Variants in JPT2 observed in about 807,000 individuals in gnomAD.
JPT2 encodes CRAMP_1 like.
A neutral mutation model predicts 15.9 loss-of-function variants in JPT2; 9 were observed. That is an observed-to-expected ratio of 0.57 (90% CI 0.34 to 0.99). The LOEUF is 0.99. Among genes scored for constraint, JPT2 ranks in the 50% least tolerant of loss-of-function variants. JPT2 has a pLI of 0.02. For missense variants in JPT2, 267 were observed against 252.1 expected, an observed-to-expected ratio of 1.06 and a Z score of -0.40; for synonymous variants, 95 against 91.7, an observed-to-expected ratio of 1.04 and a Z score of -0.21.
chr16:1,689,313 CCCCGTGGT>C (rs1353214939), intron 2 of JPT2: 1 of 152,080 alleles, frequency 6.6e-6, no homozygotes, highest in East Asian at 1.9e-4. Flanking sequence ...GTTTTATCCG[CCCCGTGGT>C]CCTGACGTGC....
At position 1,698,001 on chromosome 16, in the gene JPT2, C is replaced by T; in HGVS notation, c.385+141C>T. On this transcript the variant is annotated intron_variant, in intron 4 of 4. Coordinates refer to ENST00000248098, the MANE Select transcript of JPT2 (RefSeq NM_144570.3). The surrounding 1 kb of genome is among the most constrained non-coding windows in gnomAD (Gnocchi z 4.9). Reference sequence around the variant, plus strand: ...ATTAAAACGAGCTCAGGTGTATCCACTGCAAGAGGATTCAGCATTTGAAGA... The same window carrying T: ...ATTAAAACGAGCTCAGGTGTATCCATTGCAAGAGGATTCAGCATTTGAAGA... 1.4e-6 allele frequency: 1 copy of T among 715,418 alleles called. No individual in the cohort carries two copies. Among genetic ancestry groups the T allele is most frequent in the Non-Finnish European group, 2.4e-6 (1 of 412,288 alleles). The allele number at this position is 715,418 out of a possible 1,614,324, so 44.3% of individuals were successfully genotyped here. A position where few individuals can be genotyped will look rare whatever the true frequency, so the allele number is the denominator to read the frequency against.
At chr16:1,694,586 AC>A (rs1473765316) in intron 3 of JPT2, among the ~76,000 whole-genome samples, 2 of 152,258 alleles carry the variant, frequency 1.3e-5, no homozygotes, top group Non-Finnish European at 2.9e-5. Flanking sequence ...CTCAAATCTT[AC>A]TGCAAAGCAA....
At chr16:1,697,427 C>T (rs1177044389) in intron 3 of JPT2, among the ~76,000 whole-genome samples, 4 of 151,828 alleles carry the variant, frequency 2.6e-5, no homozygotes, top group East Asian at 3.9e-4. Context: ...ATGTGAGGAT[C>T]GCTTCAGCCC....
intron 3 of JPT2, among the ~76,000 whole-genome samples, chr16:1,694,193 C>A (rs2037124697): frequency 6.6e-6 from 1 of 152,172 alleles, no homozygotes; most frequent in Non-Finnish European, 1.5e-5. Flanking sequence ...AATCGTGGAT[C>A]TGAGAAAATG....
chr16:1,692,315 C>T, intron 3 of JPT2: 2 of 316,114 alleles, frequency 6.3e-6, no homozygotes, highest in Non-Finnish European at 1.2e-5. Context: ...ACGAGCTGGG[C>T]CCTTGTCCGT....
At chr16:1,693,108 T>C (rs1259859892) in intron 3 of JPT2, among the ~76,000 whole-genome samples, 1 of 152,196 alleles carries the variant, frequency 6.6e-6, no homozygotes, top group African/African-American at 2.4e-5. Context: ...TTTTATTTTG[T>C]TTTTTCTTTG....
intron 2 of JPT2, among the ~76,000 whole-genome samples, chr16:1,687,696 T>A (rs1052053887): frequency 1.3e-5 from 2 of 152,242 alleles, no homozygotes; most frequent in African/African-American, 4.8e-5. Context: ...TGGCTCCCCA[T>A]GCCAGGTTCC....
At chr16:1,692,064 C>G (rs563328739) in intron 3 of JPT2, 79 bp downstream of exon 3, 1 of 1,541,744 alleles carries the variant, frequency 6.5e-7, no homozygotes, top group Non-Finnish European at 8.9e-7. Context: ...AAGGCAGATG[C>G]GACATGTTTT....
intron 2 of JPT2, chr16:1,689,758 A>G (rs1434130260): frequency 6.6e-6 from 1 of 152,110 alleles, no homozygotes; most frequent in Non-Finnish European, 1.5e-5. Flanking sequence ...TTACCTTTTT[A>G]AAGTTAAGAA....
intron 1 of JPT2, chr16:1,680,397 C>T: frequency 9.1e-7 from 1 of 1,098,062 alleles, no homozygotes; most frequent in Non-Finnish European, 1.1e-6. Flanking sequence ...CATACTCACA[C>T]TACCCTGGGG....
downstream of JPT2, chr16:1,702,350 C>G (rs751256878): frequency 1.9e-5 from 6 of 307,700 alleles, no homozygotes; most frequent in Non-Finnish European, 4.0e-5. Flanking sequence ...GGAAATGACA[C>G]GCTAAGTTTC....
rs1469852296 is a variant in JPT2 at position 1,698,720 on chromosome 16, G to C, written c.386-91G>C. 3.0e-5 allele frequency: 38 copies of C among 1,271,954 alleles called. No individual in the cohort carries two copies. Among genetic ancestry groups the C allele is most frequent in the Non-Finnish European group, 4.0e-5 (37 of 929,688 alleles). 78.8% of individuals were successfully genotyped at this position (1,271,954 alleles called of 1,614,324 possible). ...TTACAGCATGAATTTCTTGCAGGTT[G>C]CTCTATGACACACTTTTTATTTCCA... On this transcript the variant is annotated intron_variant, in intron 4 of 4. Transcript: ENST00000248098. This position sits in a 1 kb window ranked among gnomAD's most constrained non-coding sequence, Gnocchi z 4.9.
intron 2 of JPT2, among the ~76,000 whole-genome samples, chr16:1,687,473 A>G (rs936978587): frequency 2.0e-5 from 3 of 152,202 alleles, no homozygotes; most frequent in African/African-American, 7.2e-5. Context: ...GCAAGATAGA[A>G]TCCTATCTGA....
chr16:1,702,520 C>T (rs2037186170), downstream of JPT2, among the ~76,000 whole-genome samples: 1 of 152,238 alleles, frequency 6.6e-6, no homozygotes, highest in African/African-American at 2.4e-5. Context: ...AGGGTTGCCA[C>T]CTCGAGCCCC....
chr16:1,683,929 A>G (rs1352759237), intron 1 of JPT2, among the ~76,000 whole-genome samples: 1 of 152,172 alleles, frequency 6.6e-6, no homozygotes, highest in Non-Finnish European at 1.5e-5. Context: ...CAGGATGCCA[A>G]AATCCAAGGA....
chr16:1,678,849 G>A (rs1043927585), intron 1 of JPT2, among the ~76,000 whole-genome samples: 1 of 152,202 alleles, frequency 6.6e-6, no homozygotes, highest in Non-Finnish European at 1.5e-5. Context: ...GCGTGTGGCC[G>A]TGTGCCCGTG....
rs1309970592 is a variant in JPT2 at position 1,678,317 on chromosome 16, T to C, written c.5T>C (p.Phe2Ser). The C allele has an allele frequency of 4.8e-6, 6 of 1,237,510 alleles. No homozygotes were observed. In the East Asian group the frequency reaches 1.9e-4, roughly 39 times the overall value. The allele number at this position is 1,237,510 out of a possible 1,614,324, so 76.7% of individuals were successfully genotyped here. The change falls in exon 1 of 5, where the codon TTC becomes TCC. Residue 2 changes from phenylalanine to serine, a missense_variant. Coordinates refer to ENST00000248098, the MANE Select transcript of JPT2 (RefSeq NM_144570.3). ...CTGAGGGTGGCGGCGGTCGACATGT[T>C]CCAGGTCCCGGATAGCGAGGGCGGC... M[F>S]QVPDSEGGRA... is the part of the protein sequence containing the mutation.
At position 1,698,924 on chromosome 16, in the gene JPT2, C is replaced by T. The variant is rs1283908140; in HGVS notation, c.499C>T (p.Leu167=). 1 of 1,614,122 alleles carries T rather than the reference C, an allele frequency of 6.2e-7. No homozygotes were observed. The highest frequency in any genetic ancestry group is 8.5e-7 in the Non-Finnish European group (1 of 1,180,060). ...CACAGTCGACAGCCATGAGCCCCGG[C>T]TGGGGCCGCGGCCTCGCTCTCACAA... ...MPTVDSHEPR[L]GPRPRSHNKV... is the part of the protein sequence containing the mutation. Residue 167 remains leucine (L), a synonymous_variant, in exon 5 of 5, where the codon CTG becomes TTG. Coordinates refer to ENST00000248098, the MANE Select transcript of JPT2 (RefSeq NM_144570.3). This position sits in a 1 kb window ranked among gnomAD's most constrained non-coding sequence, Gnocchi z 4.9.
Position 1,701,424 on chromosome 16 carries a change from C to T in JPT2, c.*2426C>T, listed in dbSNP as rs2037179382. ...GAATTAAACTTAGCAATCACGTGCT[C>T]AGAGCTTTTGCCTGTCAGTTGTGTG... On this transcript the variant is annotated 3_prime_UTR_variant, in exon 5 of 5. Transcript: ENST00000248098. The T allele has an allele frequency of 6.6e-6, 1 of 152,300 alleles. No individual in the cohort carries two copies. Among genetic ancestry groups the T allele is most frequent in the South Asian group, 2.1e-4 (1 of 4,830 alleles). 9.4% of individuals were successfully genotyped at this position (152,300 alleles called of 1,614,324 possible).
Sources: gnomAD v4.1 joint callset for allele counts (sites outside exome capture counted in the v4.1 genomes callset) on GRCh38, gnomAD v4.1.1 for gene constraint, Gnocchi (gnomAD v3.1) non-coding constraint, MANE v1.5 for transcripts, NCBI Gene and HGNC (gene_info 2026-07-23, HGNC 2026-07-21) for gene names.